Variants in FAM50B observed in about 807,000 individuals in gnomAD.
FAM50B encodes protein FAM50B.
FAM50B carries 9 observed loss-of-function variants against 25.4 expected under a neutral mutation model. The observed-to-expected ratio is 0.35, with a 90% CI of 0.21 to 0.62. The LOEUF (loss-of-function observed/expected upper bound fraction) is 0.62. Among genes scored for constraint, FAM50B ranks in the 20% least tolerant of loss-of-function variants. The pLI, the probability that FAM50B is intolerant of heterozygous loss-of-function variation, is 0.73. For missense variants in FAM50B, 372 were observed against 477.9 expected, an observed-to-expected ratio of 0.78 and a Z score of 2.07; for synonymous variants, 212 against 204.3, an observed-to-expected ratio of 1.04 and a Z score of -0.32.
At position 3,849,975 on chromosome 6, in the gene FAM50B, C is replaced by T; in HGVS notation, c.164C>T (p.Ala55Val). The change falls in exon 2 of 2, where the codon GCC becomes GTC. Residue 55 changes from alanine (A) to valine (V), a missense_variant. Physicochemically the swap from Ala to Val is moderately conservative, Grantham distance 64. Transcript: ENST00000648326. The part of the protein sequence containing the change: ...VDKRFSAHYD[A>V]VEAELKSSTV... The stretch of plus-strand genomic sequence containing the variant: ...AAGAGGTTCTCGGCGCATTACGACG[C>T]CGTGGAGGCCGAGCTGAAGTCCAGC... The T allele has an allele frequency of 6.2e-7, 1 of 1,613,868 alleles. No homozygotes were observed. The highest frequency in any genetic ancestry group is 8.5e-7 in the Non-Finnish European group (1 of 1,179,950).
At chr6:3,841,350 G>C in the FAM50B span, among the ~76,000 whole-genome samples, 1 of 152,156 alleles carries the variant, frequency 6.6e-6, no homozygotes, top group Non-Finnish European at 1.5e-5. Context: ...AAGTGGTCTG[G>C]TTTTCCATGA....
chr6:3,847,980 T>C (rs1157962481), upstream of FAM50B, among the ~76,000 whole-genome samples: 1 of 152,236 alleles, frequency 6.6e-6, no homozygotes, highest in Non-Finnish European at 1.5e-5. Flanking sequence ...GTTAAATCAA[T>C]AAACGTCTTT....
the FAM50B span, among the ~76,000 whole-genome samples, chr6:3,842,320 A>G: frequency 2.0e-5 from 3 of 152,188 alleles, no homozygotes; most frequent in Non-Finnish European, 2.9e-5. Context: ...AGCACTTTCC[A>G]AAAAAAGAAG....
At chr6:3,842,672 G>C in the FAM50B span, among the ~76,000 whole-genome samples, 1 of 152,110 alleles carries the variant, frequency 6.6e-6, no homozygotes, top group African/African-American at 2.4e-5. Context: ...CTCCCTATCT[G>C]CCCTTCTCCT....
intron 1 of FAM50B, 106 bp downstream of exon 1, chr6:3,849,592 C>T: frequency 2.5e-6 from 2 of 784,954 alleles, no homozygotes; most frequent in South Asian, 2.1e-5. Context: ...TTCGCATTTG[C>T]ATTTATTGAG....
chr6:3,845,538 A>G (rs1561773546), upstream of FAM50B, among the ~76,000 whole-genome samples: 3 of 152,192 alleles, frequency 2.0e-5, no homozygotes. Flanking sequence ...AATAAAGGTA[A>G]TTATATGGGA....
the FAM50B span, among the ~76,000 whole-genome samples, chr6:3,832,822 T>C: frequency 4.6e-5 from 7 of 152,146 alleles, no homozygotes; most frequent in African/African-American, 1.7e-4. Context: ...GGCTCACCCT[T>C]ATGTTGAATA....
chr6:3,848,580 G>A (rs7758688), upstream of FAM50B, among the ~76,000 whole-genome samples: 19,405 of 152,142 alleles, frequency 0.13, 2,840 homozygotes, highest in African/African-American at 0.36. Flanking sequence ...ACCGCAGTAT[G>A]TATTTCACAA....
In FAM50B at chr6:3,849,693, C is replaced by T. The variant is rs1762174721; in HGVS notation, c.-23-96C>T. 5 of 1,433,368 alleles carry T rather than the reference C, an allele frequency of 3.5e-6. 1 individual carries two copies. In the African/African-American group the frequency reaches 7.2e-5, roughly 21 times the overall value. 88.8% of individuals were successfully genotyped at this position (1,433,368 alleles called of 1,614,324 possible). On this transcript the variant is annotated intron_variant, in intron 1 of 1. Transcript: ENST00000648326. ...CGGCCCAGCCCCTGAACGCTTCCAT[C>T]ACTGCCGAAAGCCCTGTGAGGAGGC...
At chr6:3,838,396 G>A in the FAM50B span, among the ~76,000 whole-genome samples, 17 of 152,056 alleles carry the variant, frequency 1.1e-4, no homozygotes, top group Non-Finnish European at 1.6e-4. Context: ...CCATACAATC[G>A]GGCGCTACTC....
chr6:3,837,340 C>T, the FAM50B span, among the ~76,000 whole-genome samples: 1 of 152,126 alleles, frequency 6.6e-6, no homozygotes, highest in African/African-American at 2.4e-5. Flanking sequence ...AAGACTTGTA[C>T]TCAGAATACA....
chr6:3,838,751 G>T, the FAM50B span, among the ~76,000 whole-genome samples: 1 of 145,522 alleles, frequency 6.9e-6, no homozygotes, highest in Non-Finnish European at 1.5e-5. Flanking sequence ...TGAGGCACAA[G>T]AATTGCTTGA....
rs1762178585 is a variant in FAM50B at position 3,849,886 on chromosome 6, G to C, written c.75G>C (p.Arg25=). The stretch of plus-strand genomic sequence containing the variant: ...TCCTCAAGAAGCGCGAAAGGCAGCG[G>C]GAGCAGATGGAGGTGCTGAAGCAGC... ...MHLLKKRERQ[R]EQMEVLKQRI... The change falls in exon 2 of 2, where the codon CGG becomes CGC. Residue 25 remains arginine, a synonymous_variant. Transcript: ENST00000648326. The C allele has an allele frequency of 1.9e-6, 3 of 1,613,654 alleles. No homozygotes were observed. In the South Asian group the frequency reaches 3.3e-5, roughly 18 times the overall value.
chr6:3,850,684 G>C lies in FAM50B; in HGVS notation c.873G>C (p.Lys291Asn). The C allele has an allele frequency of 4.3e-6, 7 of 1,614,154 alleles. No homozygotes were observed. Among genetic ancestry groups the C allele is most frequent in the Non-Finnish European group, 5.9e-6 (7 of 1,180,046 alleles). ...TMEKDESHAG[K>N]VVLRSWYEKN... ...AGAAGGACGAGTCGCACGCGGGCAA[G>C]GTGGTGCTGCGCAGCTGGTACGAGA... Residue 291 changes from lysine to asparagine, a missense_variant, in exon 2 of 2, where the codon AAG becomes AAC. Coordinates refer to ENST00000648326, the MANE Select transcript of FAM50B (RefSeq NM_012135.3).
In FAM50B at chr6:3,850,771, C is replaced by T. The variant is rs75036841; in HGVS notation, c.960C>T (p.Asp320=). The T allele has an allele frequency of 1.9e-6, 3 of 1,613,770 alleles. No homozygotes were observed. Among genetic ancestry groups the T allele is most frequent in the South Asian group, 1.1e-5 (1 of 91,070 alleles). The stretch of plus-strand genomic sequence containing the variant: ...CCTATGACCCCGAGAAGAAGTGGGA[C>T]AAGTACACCATCCGCTAACACCCGC... ...WEAYDPEKKW[D]KYTIR The change falls in exon 2 of 2, where the codon GAC becomes GAT. Residue 320 remains aspartate, a synonymous_variant. Coordinates refer to ENST00000648326, the MANE Select transcript of FAM50B (RefSeq NM_012135.3).
the FAM50B span, among the ~76,000 whole-genome samples, chr6:3,843,595 T>C: frequency 2.0e-5 from 3 of 152,142 alleles, no homozygotes; most frequent in East Asian, 1.9e-4. Context: ...ATAGAAGTCA[T>C]AGGTTTCTTG....
the FAM50B span, among the ~76,000 whole-genome samples, chr6:3,839,909 G>T: frequency 6.6e-6 from 1 of 152,304 alleles, no homozygotes; most frequent in East Asian, 1.9e-4. Context: ...ACTTTGGGAG[G>T]CCGAGGCGGG....
chr6:3,850,517 A>G lies in FAM50B; in HGVS notation c.706A>G (p.Met236Val). The change falls in exon 2 of 2, where the codon ATG (methionine) becomes GTG (valine). Residue 236 changes from methionine (M) to valine (V), a missense_variant. Met to Val is a conservative substitution (Grantham distance 21). Transcript: ENST00000648326. ...GCGCTCCGCCGGCGTGGAGCAGCTC[A>G]TGTTCATCAAGGAGGACCTCATCCT... ...ELRSAGVEQL[M>V]FIKEDLILPH... The G allele has an allele frequency of 1.9e-6, 3 of 1,613,866 alleles. No individual in the cohort carries two copies. The highest frequency in any genetic ancestry group is 2.5e-6 in the Non-Finnish European group (3 of 1,180,014).
In FAM50B at chr6:3,849,497, G is replaced by C. The variant is rs576974633; in HGVS notation, c.-24+11G>C. On this transcript the variant is annotated intron_variant, in intron 1 of 1. Coordinates refer to ENST00000648326, the MANE Select transcript of FAM50B (RefSeq NM_012135.3). ...AGGGTGCTTGGGCAGGTAAGGGTCC[G>C]CTCAGTAGCCCAACCCTCTCTGTAT... The C allele has an allele frequency of 3.1e-6, 1 of 325,966 alleles. No homozygotes were observed. Among genetic ancestry groups the C allele is most frequent in the East Asian group, 6.0e-5 (1 of 16,634 alleles). 20.2% of individuals were successfully genotyped at this position (325,966 alleles called of 1,614,324 possible).
Sources: allele counts gnomAD v4.1 joint callset (sites outside exome capture counted in the v4.1 genomes callset), GRCh38; gene constraint gnomAD v4.1.1; transcripts MANE v1.5; gene names NCBI Gene and HGNC (gene_info 2026-07-23, HGNC 2026-07-21).